The following UNC80 variants were observed in gnomAD, a reference collection of about 807,000 sequenced individuals.
UNC80 encodes protein unc-80 homolog.
In UNC80, 164 loss-of-function variants were observed where a neutral mutation model predicts 384.6. The ratio of observed to expected loss-of-function variants is 0.43; its 90% CI spans 0.38 to 0.49. The LOEUF (loss-of-function observed/expected upper bound fraction) is 0.49. Among genes scored for constraint, UNC80 ranks in the 20% least tolerant of loss-of-function variants. The pLI, the probability that UNC80 is intolerant of heterozygous loss-of-function variation, is 0.00. For synonymous variants in UNC80, 1,486 were observed against 1,527.8 expected (o/e 0.97, Z 0.64); for missense variants, 3,330 against 4,143.0 (o/e 0.80, Z 5.39).
intron 7 of UNC80, among the ~76,000 whole-genome samples, chr2:209,810,888 A>C (rs1194349525): frequency 6.6e-6 from 1 of 152,192 alleles, no homozygotes; most frequent in Non-Finnish European, 1.5e-5. Context: ...CCCAGCTGGT[A>C]GCCAGCCAAC....
At chr2:209,887,283 C>T (rs2085907484) in intron 25 of UNC80, among the ~76,000 whole-genome samples, 1 of 152,154 alleles carries the variant, frequency 6.6e-6, no homozygotes, top group Admixed American at 6.5e-5. Context: ...AGGTGTTCTG[C>T]CCGCCTCAGC....
At chr2:209,924,071 C>G (rs2090248718) in intron 35 of UNC80, among the ~76,000 whole-genome samples, 1 of 151,990 alleles carries the variant, frequency 6.6e-6, no homozygotes, top group Non-Finnish European at 1.5e-5. Flanking sequence ...TAATAGCTGA[C>G]AAAATCTTTG....
At chr2:209,978,058 T>C (rs1006934178) in intron 58 of UNC80, among the ~76,000 whole-genome samples, 2 of 152,226 alleles carry the variant, frequency 1.3e-5, no homozygotes, top group African/African-American at 4.8e-5. Context: ...GGATATTTTA[T>C]AGGTTGTAAT....
chr2:209,843,154 A>G (rs1221557129), intron 21 of UNC80, among the ~76,000 whole-genome samples: 1 of 152,078 alleles, frequency 6.6e-6, no homozygotes, highest in Non-Finnish European at 1.5e-5. Context: ...CCTTTTTATT[A>G]TGTATTTTAG....
intron 23 of UNC80, among the ~76,000 whole-genome samples, chr2:209,873,857 G>A (rs980581059): frequency 4.6e-5 from 7 of 152,068 alleles, no homozygotes; most frequent in African/African-American, 1.2e-4. Context: ...TATTCAAAAG[G>A]CATGAATTGT....
chr2:209,872,626 G>C lies in UNC80; in HGVS notation c.3628-132G>C, dbSNP rs1175985750. 5.8e-6 allele frequency: 5 copies of C among 860,066 alleles called. No individual in the cohort carries two copies. In the African/African-American group the frequency reaches 8.4e-5, roughly 15 times the overall value. The allele number at this position is 860,066 out of a possible 1,614,324, so 53.3% of individuals were successfully genotyped here. On this transcript the variant is annotated intron_variant, in intron 22 of 64. Transcript: ENST00000673920. The surrounding 1 kb of genome is among the most constrained non-coding windows in gnomAD (Gnocchi z 4.1). The stretch of plus-strand genomic sequence containing the variant: ...GTTGGCCATACTGACACCACCCTGG[G>C]AAATATGGCCAATATAAATCAAAAC...
chr2:209,789,564 C>A lies in UNC80; in HGVS notation c.757C>A (p.Arg253=). 1 of 1,613,440 alleles carries A rather than the reference C, an allele frequency of 6.2e-7. No individual in the cohort carries two copies. The highest frequency in any genetic ancestry group is 8.5e-7 in the Non-Finnish European group (1 of 1,179,632). The change falls in exon 6 of 65, where the codon CGG becomes AGG. Residue 253 remains arginine, a synonymous_variant. Coordinates refer to ENST00000673920, the MANE Select transcript of UNC80 (RefSeq NM_001371986.1). ...AAGTTCTCCTATCAACAGTCAAAGC[C>A]GGACCTGTGAATCACCAAATCAAGA... The part of the protein sequence containing the change: ...KRSSPINSQS[R]TCESPNQDAR...
intron 25 of UNC80, among the ~76,000 whole-genome samples, chr2:209,885,754 C>CTT (rs1410561654): frequency 8.8e-5 from 12 of 135,852 alleles, no homozygotes; most frequent in South Asian, 2.4e-4. Flanking sequence ...AAAATGTTAA[C>CTT]TTTTTTTTTT....
chr2:209,935,690 T>A, intron 39 of UNC80, 24 bp from the exon 40 acceptor site: 1 of 1,292,210 alleles, frequency 7.7e-7, no homozygotes, highest in Non-Finnish European at 1.0e-6. Flanking sequence ...AAAGTCAGTT[T>A]GTTATTATTT....
chr2:209,805,024 T>C (rs904155988), intron 7 of UNC80, among the ~76,000 whole-genome samples: 1 of 152,198 alleles, frequency 6.6e-6, no homozygotes, highest in Non-Finnish European at 1.5e-5. Context: ...TTTAGCATTA[T>C]TTCCCATCTG....
intron 37 of UNC80, among the ~76,000 whole-genome samples, chr2:209,930,421 T>A (rs1275054353): frequency 1.3e-5 from 2 of 152,166 alleles, no homozygotes; most frequent in African/African-American, 2.4e-5. Flanking sequence ...GATTAAAAAT[T>A]ATTTGTTCAT....
rs750421143 is a variant in UNC80 at position 209,789,591 on chromosome 2, G to A, written c.784G>A (p.Ala262Thr). Residue 262 changes from alanine to threonine, a missense_variant, in exon 6 of 65, where the codon GCA becomes ACA. This residue lies in a region of UNC80 where 937 missense variants were observed against 1,026.8 expected (regional missense o/e 0.91). Transcript: ENST00000673920. ...GACCTGTGAATCACCAAATCAAGATGCAAGACACTTAGAGGTTAGTTTATT... is the reference window on the plus strand; with the variant it reads ...GACCTGTGAATCACCAAATCAAGATACAAGACACTTAGAGGTTAGTTTATT... ...SRTCESPNQD[A>T]RHLEGLQVVC... 3 of 1,612,118 alleles carry A rather than the reference G, an allele frequency of 1.9e-6. No individual in the cohort carries two copies. Among genetic ancestry groups the A allele is most frequent in the East Asian group, 2.2e-5 (1 of 44,842 alleles).
intron 38 of UNC80, among the ~76,000 whole-genome samples, chr2:209,931,591 G>A (rs1299156506): frequency 6.6e-6 from 1 of 152,084 alleles, no homozygotes; most frequent in Non-Finnish European, 1.5e-5. Context: ...ACTAGAACCT[G>A]ATGACTACAC....
intron 2 of UNC80, among the ~76,000 whole-genome samples, chr2:209,774,031 T>C (rs2083662433): frequency 6.6e-6 from 1 of 152,236 alleles, no homozygotes; most frequent in African/African-American, 2.4e-5. Context: ...CTAAAAGTCT[T>C]TACATTGCAT....
At chr2:209,836,819 T>C (rs1392401652) in intron 18 of UNC80, among the ~76,000 whole-genome samples, 1 of 152,198 alleles carries the variant, frequency 6.6e-6, no homozygotes, top group African/African-American at 2.4e-5. Flanking sequence ...TCACATTCAC[T>C]GAGTCATATT....
At position 209,918,585 on chromosome 2, in the gene UNC80, A is replaced by G. The variant is rs1481767269; in HGVS notation, c.5265A>G (p.Pro1755=). ...TTCCCTCGCCGGTGCTTGGAATGCC[A>G]TCCGTCCCAATGTTTGACCCACCGT... ...FTLPSPVLGM[P]SVPMFDPPWV... is the part of the protein sequence containing the mutation. Residue 1755 remains proline (P), a synonymous_variant, in exon 33 of 65, where the codon CCA becomes CCG. Coordinates refer to ENST00000673920, the MANE Select transcript of UNC80 (RefSeq NM_001371986.1). The G allele has an allele frequency of 3.9e-6, 6 of 1,551,972 alleles. No homozygotes were observed. Among genetic ancestry groups the G allele is most frequent in the Middle Eastern group, 1.7e-4 (1 of 6,020 alleles).
chr2:209,783,241 C>T (rs566809409), intron 4 of UNC80, among the ~76,000 whole-genome samples: 1 of 152,244 alleles, frequency 6.6e-6, no homozygotes, highest in East Asian at 1.9e-4. Context: ...TCTAGACTAC[C>T]TGCTTTACAA....
chr2:209,928,693 C>G (rs1210316017), intron 36 of UNC80, among the ~76,000 whole-genome samples: 2 of 152,146 alleles, frequency 1.3e-5, no homozygotes, highest in African/African-American at 4.8e-5. Flanking sequence ...TCAAAATTCT[C>G]TCTTCTAGCT....
chr2:209,812,712 A>G (rs376790160), intron 7 of UNC80, among the ~76,000 whole-genome samples: 1 of 152,182 alleles, frequency 6.6e-6, no homozygotes. Flanking sequence ...TTCTTACCAG[A>G]CCACATGTTC....
Sources: gnomAD v4.1 joint callset for allele counts (sites outside exome capture counted in the v4.1 genomes callset) on GRCh38, gnomAD v4.1.1 for gene constraint, gnomAD v4.1.1 regional missense constraint, Gnocchi (gnomAD v3.1) non-coding constraint, MANE v1.5 for transcripts, NCBI Gene and HGNC (gene_info 2026-07-23, HGNC 2026-07-21) for gene names.